Variants in EPN1 observed in about 807,000 individuals in gnomAD.
EPN1 encodes epsin-1.
A neutral mutation model predicts 56.9 loss-of-function variants in EPN1; 25 were observed. The observed-to-expected ratio is 0.44, with a 90% CI of 0.32 to 0.61. The LOEUF (loss-of-function observed/expected upper bound fraction) is 0.61. EPN1 is among the 20% of genes least tolerant of loss of function. The pLI is 0.05. For synonymous variants in EPN1, 411 were observed against 361.8 expected (o/e 1.14, Z -1.54); for missense variants, 785 against 823.7 (o/e 0.95, Z 0.58).
At position 55,689,252 on chromosome 19, in the gene EPN1, C is replaced by A. The variant is rs1165874936; in HGVS notation, c.604-45C>A. ...GACCCTGGCTCTGCCTCTGACTCTG[C>A]CTCTGGCCCCTCCCGTCATGCCCCT... On this transcript the variant is annotated intron_variant, in intron 4 of 10. Transcript: ENST00000270460. This position sits in a 1 kb window ranked among gnomAD's most constrained non-coding sequence, Gnocchi z 5.7. The A allele has an allele frequency of 7.2e-7, 1 of 1,394,112 alleles. No individual in the cohort carries two copies. Among genetic ancestry groups the A allele is most frequent in the South Asian group, 1.2e-5 (1 of 80,702 alleles). 86.4% of individuals were successfully genotyped at this position (1,394,112 alleles called of 1,614,324 possible).
At position 55,689,003 on chromosome 19, in the gene EPN1, C is replaced by A; in HGVS notation, c.603+9C>A. 1.3e-6 allele frequency: 2 copies of A among 1,589,134 alleles called. No individual in the cohort carries two copies. The highest frequency in any genetic ancestry group is 1.1e-5 in the South Asian group (1 of 88,860). On this transcript the variant is annotated intron_variant, in intron 4 of 10. Transcript: ENST00000270460. This position sits in a 1 kb window ranked among gnomAD's most constrained non-coding sequence, Gnocchi z 5.7. Reference sequence around the variant, plus strand: ...AGGAGGAGGCCGACCAGGTACTGGGCGTGCAGCTGGGGCTGTCTGTCCGCC... The same window carrying A: ...AGGAGGAGGCCGACCAGGTACTGGGAGTGCAGCTGGGGCTGTCTGTCCGCC...
chr19:55,691,864 C>T lies in EPN1; in HGVS notation c.873C>T (p.Pro291=). 6 of 1,603,006 alleles carry T rather than the reference C, an allele frequency of 3.7e-6. No individual in the cohort carries two copies. Among genetic ancestry groups the T allele is most frequent in the South Asian group, 1.1e-5 (1 of 90,508 alleles). The change falls in exon 7 of 11, where the codon CCC becomes CCT. Residue 291 remains proline (P), a synonymous_variant. Transcript: ENST00000270460. This position sits in a 1 kb window ranked among gnomAD's most constrained non-coding sequence, Gnocchi z 5.6. ...CTGCTGCCGTCCCCACGGCTGCCCC[C>T]ACCTCGGACCCCTGGGGCGGCCCCC... ...PMAAAVPTAA[P]TSDPWGGPPV...
Position 55,691,772 on chromosome 19 carries a change from G to C in EPN1, c.781G>C (p.Ala261Pro), listed in dbSNP as rs1477611951. 1.9e-5 allele frequency: 31 copies of C among 1,612,746 alleles called. No individual in the cohort carries two copies. Among genetic ancestry groups the C allele is most frequent in the Non-Finnish European group, 2.5e-5 (30 of 1,179,318 alleles). ...GKEESSLMDL[A>P]DVFTAPAPAP... Reference sequence around the variant, plus strand: ...CCCACAGTCGTCCCTCATGGACCTTGCTGACGTCTTCACGGCCCCAGCTCC... The same window carrying C: ...CCCACAGTCGTCCCTCATGGACCTTCCTGACGTCTTCACGGCCCCAGCTCC... Residue 261 changes from alanine to proline, a missense_variant, in exon 7 of 11, where the codon GCT becomes CCT. Physicochemically the swap from Ala to Pro is conservative, Grantham distance 27 (BLOSUM62 -1). Coordinates refer to ENST00000270460, the MANE Select transcript of EPN1 (RefSeq NM_001130072.2). The surrounding 1 kb of genome is among the most constrained non-coding windows in gnomAD (Gnocchi z 5.6).
rs775105828 is a variant in EPN1 at position 55,705,231 on chromosome 19, A to C, written c.*9875A>C. On this transcript the variant is annotated 3_prime_UTR_variant, in exon 11 of 11. Transcript: ENST00000270460. ...TTAGCATAGATACCGATAGCTGCTG[A>C]CTGCAGGGAGATGGGGAGATATGTT... 6.6e-6 allele frequency: 1 copy of C among 152,224 alleles called. No homozygotes were observed. The highest frequency in any genetic ancestry group is 1.5e-5 in the Non-Finnish European group (1 of 68,038). 9.4% of individuals were successfully genotyped at this position (152,224 alleles called of 1,614,324 possible).
chr19:55,692,896 G>A (rs188636234), intron 8 of EPN1, 55 bp from the exon 9 acceptor site: 245 of 1,601,760 alleles, frequency 1.5e-4, no homozygotes, highest in Middle Eastern at 3.3e-4. Flanking sequence ...GACTGGAGGT[G>A]GGGGCTGAGG....
Position 55,694,669 on chromosome 19 carries a change from G to A in EPN1, c.1265-57G>A, listed in dbSNP as rs1186416582. 9.3e-6 allele frequency: 14 copies of A among 1,507,910 alleles called. No individual in the cohort carries two copies. Among genetic ancestry groups the A allele is most frequent in the African/African-American group, 1.4e-5 (1 of 71,586 alleles). 93.4% of individuals were successfully genotyped at this position (1,507,910 alleles called of 1,614,324 possible). A position where few individuals can be genotyped will look rare whatever the true frequency, so the allele number is the denominator to read the frequency against. ...CCCTATGATGGCCTATACTGCTCCC[G>A]GGTTGGAGCCTCACTGCTGTCTGCC... On this transcript the variant is annotated intron_variant, in intron 9 of 10. Coordinates refer to ENST00000270460, the MANE Select transcript of EPN1 (RefSeq NM_001130072.2). This position sits in a 1 kb window ranked among gnomAD's most constrained non-coding sequence, Gnocchi z 4.2.
rs371100606 is a variant in EPN1, at chr19:55,689,994, C to T, written c.762+44C>T. ...GCCCTCCCTGGCCCCTGCAGGTGTC[C>T]GTCCGTCCCATCGCTCATTCCTGCG... is the stretch of plus-strand genomic sequence containing the variant. On this transcript the variant is annotated intron_variant, in intron 6 of 10. Coordinates refer to ENST00000270460, the MANE Select transcript of EPN1 (RefSeq NM_001130072.2). This position sits in a 1 kb window ranked among gnomAD's most constrained non-coding sequence, Gnocchi z 5.7. 3.0e-5 allele frequency: 45 copies of T among 1,524,334 alleles called. No individual in the cohort carries two copies. Among genetic ancestry groups the T allele is most frequent in the African/African-American group, 1.5e-4 (11 of 73,174 alleles). 94.4% of individuals were successfully genotyped at this position (1,524,334 alleles called of 1,614,324 possible).
chr19:55,701,243 G>C lies in EPN1; in HGVS notation c.*5887G>C, dbSNP rs1465299086. The C allele has an allele frequency of 6.6e-6, 1 of 152,172 alleles. No homozygotes were observed. The highest frequency in any genetic ancestry group is 1.5e-5 in the Non-Finnish European group (1 of 68,062). The allele number at this position is 152,172 out of a possible 1,614,324, so 9.4% of individuals were successfully genotyped here. ...AGGCGGGCGGATCACGAGGTCAGGA[G>C]TTCGAGACCAGCCTGGCCAACATGG... On this transcript the variant is annotated 3_prime_UTR_variant, in exon 11 of 11. Transcript: ENST00000270460.
intron 2 of EPN1, among the ~76,000 whole-genome samples, chr19:55,682,339 TCA>T (rs1465015333): frequency 2.0e-5 from 3 of 152,194 alleles, no homozygotes; most frequent in Admixed American, 2.0e-4. Context: ...ATATGTGGAG[TCA>T]CACGCGTGGT....
Position 55,678,076 on chromosome 19 carries a change from G to GGA in EPN1, c.-101-450_-101-449dup, listed in dbSNP as rs1985558149. ...ACTGTGATGTTTGGGTGTGCACCTG[G>GGA]GAAGTGTAAGCAGAGCCCTTGGGGT... On this transcript the variant is annotated intron_variant, in intron 1 of 10. Transcript: ENST00000270460. 3.3e-5 allele frequency among the ~76,000 whole-genome samples: 5 copies of GGA among 149,310 alleles called. No individual in the cohort carries two copies. The South Asian group carries it at 1.1e-3, about 32-fold the overall frequency.
At chr19:55,675,804 C>T (rs910440059) in intron 1 of EPN1, among the ~76,000 whole-genome samples, 1 of 152,074 alleles carries the variant, frequency 6.6e-6, no homozygotes, top group South Asian at 2.1e-4. Context: ...TCTTCTTTTC[C>T]CTAGGTGTCT....
At position 55,678,819 on chromosome 19, in the gene EPN1, C is replaced by CA; in HGVS notation, c.194dup (p.Asn65LysfsTer2). On this transcript the variant is annotated frameshift_variant, in exon 2 of 11. Coordinates refer to ENST00000270460, the MANE Select transcript of EPN1 (RefSeq NM_001130072.2). LOFTEE classifies it high-confidence loss of function. Reference sequence around the variant, plus strand: ...TCATGAGCATGATCTGGAAGCGGCTCAATGACCATGGCAAGAACTGGCGTC... The same window carrying CA: ...TCATGAGCATGATCTGGAAGCGGCTCAAATGACCATGGCAAGAACTGGCGTC... 6.2e-7 allele frequency: 1 copy of CA among 1,613,558 alleles called. No individual in the cohort carries two copies. The highest frequency in any genetic ancestry group is 8.5e-7 in the Non-Finnish European group (1 of 1,179,580).
intron 2 of EPN1, among the ~76,000 whole-genome samples, chr19:55,680,177 C>G (rs1297898513): frequency 6.6e-6 from 1 of 152,160 alleles, no homozygotes; most frequent in Non-Finnish European, 1.5e-5. Flanking sequence ...GGCTGCTTTA[C>G]TGAGGTGTAA....
chr19:55,683,207 C>T (rs936679502), intron 2 of EPN1, among the ~76,000 whole-genome samples: 5 of 151,504 alleles, frequency 3.3e-5, no homozygotes, highest in Admixed American at 2.0e-4. Context: ...AGGCGCATGC[C>T]ACAATGCCTG....
chr19:55,689,380 A>G lies in EPN1; in HGVS notation c.678+9A>G. 1 of 1,550,606 alleles carries G rather than the reference A, an allele frequency of 6.4e-7. No individual in the cohort carries two copies. Among genetic ancestry groups the G allele is most frequent in the Non-Finnish European group, 8.7e-7 (1 of 1,146,082 alleles). On this transcript the variant is annotated intron_variant, in intron 5 of 10. Transcript: ENST00000270460. The surrounding 1 kb of genome is among the most constrained non-coding windows in gnomAD (Gnocchi z 5.7). ...GAGAAGAGCATGATAAGGTCAGAGC[A>G]GCCTCCCTGTCCCTGCCCCTGCCAG...
At chr19:55,686,685 G>T (rs1986190258) in intron 3 of EPN1, among the ~76,000 whole-genome samples, 1 of 152,132 alleles carries the variant, frequency 6.6e-6, no homozygotes, top group Non-Finnish European at 1.5e-5. Context: ...CAGTAGATGG[G>T]CGTGAACGCA....
Position 55,695,689 on chromosome 19 carries a change from C to G in EPN1, c.*333C>G, listed in dbSNP as rs1228065016. On this transcript the variant is annotated 3_prime_UTR_variant, in exon 11 of 11. Transcript: ENST00000270460. The surrounding 1 kb of genome is among the most constrained non-coding windows in gnomAD (Gnocchi z 4.4). Reference sequence around the variant, plus strand: ...AGCCTCCTCGTTCCCCTCACGCACCCGCTCACGCACCCTCGGTGAATCCTT... The same window carrying G: ...AGCCTCCTCGTTCCCCTCACGCACCGGCTCACGCACCCTCGGTGAATCCTT... 2 of 326,076 alleles carry G rather than the reference C, an allele frequency of 6.1e-6. No individual in the cohort carries two copies. The highest frequency in any genetic ancestry group is 5.5e-5 in the East Asian group (1 of 18,340). The allele number at this position is 326,076 out of a possible 1,614,324, so 20.2% of individuals were successfully genotyped here.
intron 1 of EPN1, chr19:55,677,120 A>G (rs1985489754): frequency 2.6e-6 from 4 of 1,551,038 alleles, no homozygotes; most frequent in Non-Finnish European, 3.5e-6. Flanking sequence ...CTGGGCTTAC[A>G]TCATGGCGGG....
chr19:55,694,422 T>G lies in EPN1; in HGVS notation c.1265-304T>G. 2.9e-6 allele frequency: 1 copy of G among 342,012 alleles called. No homozygotes were observed. Among genetic ancestry groups the G allele is most frequent in the Non-Finnish European group, 5.3e-6 (1 of 190,046 alleles). 21.2% of individuals were successfully genotyped at this position (342,012 alleles called of 1,614,324 possible). On this transcript the variant is annotated intron_variant, in intron 9 of 10. Transcript: ENST00000270460. The surrounding 1 kb of genome is among the most constrained non-coding windows in gnomAD (Gnocchi z 4.2). ...CCCCCGCTGCCTTCCCCCGCGGGCC[T>G]ATAGACCCTGGACGGCCCCACCCTG...
Sources: gnomAD v4.1 joint callset for allele counts (sites outside exome capture counted in the v4.1 genomes callset) on GRCh38, gnomAD v4.1.1 for gene constraint, Gnocchi (gnomAD v3.1) non-coding constraint, MANE v1.5 for transcripts, NCBI Gene and HGNC (gene_info 2026-07-23, HGNC 2026-07-21) for gene names.